FCRL3: variants seen among roughly 807,000 people sequenced by gnomAD.
FCRL3 encodes Fc receptor-like protein 3.
A neutral mutation model predicts 75.0 loss-of-function variants in FCRL3; 89 were observed. That is an observed-to-expected ratio of 1.19 (90% CI 1.00 to 1.42). The LOEUF is 1.42. FCRL3 is among the 40% of genes most tolerant of loss of function. The probability of loss-of-function intolerance (pLI) is 0.00; values close to 1 mark genes in which losing one functional copy is unlikely to be tolerated. For missense variants in FCRL3, 946 were observed against 880.0 expected (o/e 1.07, Z -0.95); for synonymous variants, 376 against 348.5 (o/e 1.08, Z -0.88).
intron 4 of FCRL3, 164 bp from the exon 5 acceptor site, chr1:157,698,083 G>A: frequency 3.7e-6 from 3 of 807,276 alleles, no homozygotes; most frequent in Non-Finnish European, 5.7e-6. Flanking sequence ...TGCCCTACAA[G>A]GGTGAACCAA....
rs1656263123 is a variant in FCRL3, at chr1:157,700,709, A to G, written c.-144T>C. ...TCAATCCCGGTAGTGATACATTTTT[A>G]GAAGTTGGGGCTCATCTTCCATCAG... On this transcript the variant is annotated 5_prime_UTR_variant, in exon 1 of 15. It removes the in-frame stop codon of an upstream open reading frame in the 5' UTR. Transcript: ENST00000368184. The G allele has an allele frequency of 7.0e-7, 1 of 1,427,458 alleles. No homozygotes were observed. Among genetic ancestry groups the G allele is most frequent in the Non-Finnish European group, 9.2e-7 (1 of 1,088,664 alleles). The allele number at this position is 1,427,458 out of a possible 1,614,324, so 88.4% of individuals were successfully genotyped here.
intron 8 of FCRL3, among the ~76,000 whole-genome samples, chr1:157,694,517 A>G (rs1655764996): frequency 6.6e-6 from 1 of 152,184 alleles, no homozygotes; most frequent in African/African-American, 2.4e-5. Flanking sequence ...GTGACTGGGA[A>G]TTATTACCAT....
Position 157,678,749 on chromosome 1 carries a change from A to G in FCRL3, c.2166T>C (p.Tyr722=). The part of the protein sequence containing the change: ...RAHEEDDEEN[Y]ENVPRVLLAS... ...CCAGTAATACACGTGGTACATTCTC[A>G]TAGTTTTCTTCATCATCTTCTTCAT... is the stretch of plus-strand genomic sequence containing the variant. The change falls in exon 15 of 15, where the codon TAT becomes TAC. Residue 722 remains tyrosine (Y), a synonymous_variant. Transcript: ENST00000368184. 2 of 1,613,854 alleles carry G rather than the reference A, an allele frequency of 1.2e-6. No homozygotes were observed. Among genetic ancestry groups the G allele is most frequent in the Non-Finnish European group, 1.7e-6 (2 of 1,179,834 alleles).
intron 10 of FCRL3, among the ~76,000 whole-genome samples, chr1:157,688,114 A>T (rs1211730218): frequency 6.6e-6 from 1 of 152,118 alleles, no homozygotes; most frequent in East Asian, 1.9e-4. Flanking sequence ...CACTAGTGCA[A>T]ATGGTCTAAA....
At position 157,696,125 on chromosome 1, in the gene FCRL3, C is replaced by T. The variant is rs1181993945; in HGVS notation, c.1047G>A (p.Lys349=). 6.2e-7 allele frequency: 1 copy of T among 1,613,978 alleles called. No homozygotes were observed. The highest frequency in any genetic ancestry group is 2.2e-5 in the East Asian group (1 of 44,870). ...AGTAGTATCTCCCTGCATCACTCTCCTTCACGGTGAGAACATGCAGCTCTG... is the reference window on the plus strand; with the variant it reads ...AGTAGTATCTCCCTGCATCACTCTCTTTCACGGTGAGAACATGCAGCTCTG... ...LLAELHVLTV[K]ESDAGRYYCA... The change falls in exon 7 of 15, where the codon AAG becomes AAA. Residue 349 remains lysine (K), a synonymous_variant. Coordinates refer to ENST00000368184, the MANE Select transcript of FCRL3 (RefSeq NM_052939.4).
In FCRL3 at chr1:157,690,474, C is replaced by T. The variant is rs765815493; in HGVS notation, c.1471G>A (p.Asp491Asn). 4 of 1,614,118 alleles carry T rather than the reference C, an allele frequency of 2.5e-6. No homozygotes were observed. The East Asian group carries it at 6.7e-5, about 27-fold the overall frequency. The part of the protein sequence containing the change: ...RAPGAQAVVG[D>N]LLELHCESLR... ...GACTCACAGTGAAGCTCCAGCAGGTCCCCCACCACAGCCTGGGCCCCGGGA... is the reference window on the plus strand; with the variant it reads ...GACTCACAGTGAAGCTCCAGCAGGTTCCCCACCACAGCCTGGGCCCCGGGA... The change falls in exon 9 of 15, where the codon GAC becomes AAC. Residue 491 changes from aspartate to asparagine, a missense_variant. Physicochemically the swap from Asp to Asn is conservative, Grantham distance 23. Transcript: ENST00000368184.
rs1654473350 is a variant in FCRL3 at position 157,676,661 on chromosome 1, A to G, written c.*2049T>C. On this transcript the variant is annotated 3_prime_UTR_variant, in exon 15 of 15. Transcript: ENST00000368184. ...TGCACATTTGTTATATCCGAGATGTACAGTTAGGACTCACCCCTTCTTCCA... is the reference window on the plus strand; with the variant it reads ...TGCACATTTGTTATATCCGAGATGTGCAGTTAGGACTCACCCCTTCTTCCA... 1.4e-6 allele frequency: 2 copies of G among 1,479,506 alleles called. No individual in the cohort carries two copies. The highest frequency in any genetic ancestry group is 2.5e-5 in the East Asian group (1 of 40,530). The allele number at this position is 1,479,506 out of a possible 1,614,324, so 91.6% of individuals were successfully genotyped here. A position where few individuals can be genotyped will look rare whatever the true frequency, so the allele number is the denominator to read the frequency against.
At position 157,696,105 on chromosome 1, in the gene FCRL3, T is replaced by C. The variant is rs1655883941; in HGVS notation, c.1067A>G (p.Tyr356Cys). The part of the protein sequence containing the change: ...LTVKESDAGR[Y>C]YCAADNVHSP... ...GTGAACGTTATCAGCTGCACAGTAG[T>C]ATCTCCCTGCATCACTCTCCTTCAC... is the stretch of plus-strand genomic sequence containing the variant. Residue 356 changes from tyrosine (Y) to cysteine (C), a missense_variant, in exon 7 of 15, where the codon TAC becomes TGC. By Grantham distance (194) the Tyr-to-Cys change is radical. Transcript: ENST00000368184. The C allele has an allele frequency of 1.2e-6, 2 of 1,613,684 alleles. No individual in the cohort carries two copies. The highest frequency in any genetic ancestry group is 2.7e-5 in the African/African-American group (2 of 74,868).
In FCRL3 at chr1:157,677,223, A is replaced by C. The variant is rs1654516655; in HGVS notation, c.*1487T>G. 1 of 1,005,790 alleles carries C rather than the reference A, an allele frequency of 9.9e-7. No homozygotes were observed. 62.3% of individuals were successfully genotyped at this position (1,005,790 alleles called of 1,614,324 possible). On this transcript the variant is annotated 3_prime_UTR_variant, in exon 15 of 15. Transcript: ENST00000368184. The stretch of plus-strand genomic sequence containing the variant: ...TGGAGGACAAAAGTGCCTTCTGGTG[A>C]AACTCAGCTTCCATAGTGATGGAAC...
chr1:157,690,114 A>C (rs1655421583), intron 9 of FCRL3, 141 bp downstream of exon 9: 1 of 1,314,870 alleles, frequency 7.6e-7, no homozygotes, highest in Admixed American at 2.5e-5. Context: ...CCCATATAAA[A>C]TCAGTACCAA....
chr1:157,696,204 TGC>T lies in FCRL3; in HGVS notation c.966_967del (p.Trp322Ter). 3.7e-6 allele frequency: 6 copies of T among 1,613,988 alleles called. No individual in the cohort carries two copies. The highest frequency in any genetic ancestry group is 5.1e-6 in the Non-Finnish European group (6 of 1,179,988). ...CAGGCTTCTTACTCTTCCTTCTTTG[TGC>T]CAGGAGAATGTGACAGTCCCTGAAC... is the stretch of plus-strand genomic sequence containing the variant. On this transcript the variant is annotated stop_gained and frameshift_variant, in exon 7 of 15. Coordinates refer to ENST00000368184, the MANE Select transcript of FCRL3 (RefSeq NM_052939.4). LOFTEE classifies it high-confidence loss of function.
chr1:157,679,828 CACAAAAAAAAA>C (rs1262328284), intron 13 of FCRL3, among the ~76,000 whole-genome samples: 8 of 27,904 alleles, frequency 2.9e-4, no homozygotes, highest in Non-Finnish European at 3.6e-4. Flanking sequence ...GACCCCATCT[CACAAAAAAAAA>C]AAAAAAAAAA....
At position 157,695,551 on chromosome 1, in the gene FCRL3, C is replaced by T; in HGVS notation, c.1189G>A (p.Gly397Arg). 5.0e-6 allele frequency: 8 copies of T among 1,614,054 alleles called. No homozygotes were observed. The highest frequency in any genetic ancestry group is 1.3e-5 in the African/African-American group (1 of 75,026). Residue 397 changes from glycine (G) to arginine (R), a missense_variant, in exon 8 of 15, where the codon GGG becomes AGG. Coordinates refer to ENST00000368184, the MANE Select transcript of FCRL3 (RefSeq NM_052939.4). ...TCACAGTGAAGCTCCAGCAGGTCCCCCACCACAGTGTGGGCCCTGGGAGCC... is the reference window on the plus strand; with the variant it reads ...TCACAGTGAAGCTCCAGCAGGTCCCTCACCACAGTGTGGGCCCTGGGAGCC... ...FRAPRAHTVV[G>R]DLLELHCESL... is the part of the protein sequence containing the mutation.
intron 3 of FCRL3, 70 bp from the exon 4 acceptor site, chr1:157,698,699 C>A (rs1233071741): frequency 3.9e-6 from 6 of 1,525,492 alleles, no homozygotes. Context: ...ATGGGGAGCC[C>A]AACCTACAGT....
chr1:157,698,269 CA>C (rs1416668506), intron 4 of FCRL3, 114 bp downstream of exon 4: 3 of 1,228,126 alleles, frequency 2.4e-6, no homozygotes, highest in Non-Finnish European at 3.5e-6. Context: ...CCACTGGGGT[CA>C]GTGCATCAAT....
Position 157,678,742 on chromosome 1 carries a change from C to A in FCRL3, c.2173G>T (p.Val725Leu), listed in dbSNP as rs770073536. 1.1e-5 allele frequency: 18 copies of A among 1,614,034 alleles called. No homozygotes were observed. Among genetic ancestry groups the A allele is most frequent in the Non-Finnish European group, 1.5e-5 (18 of 1,180,004 alleles). ...EEDDEENYENVPRVLLASDH is the reference protein window; with the variant it reads ...EEDDEENYENLPRVLLASDH ...TCTGAGGCCAGTAATACACGTGGTACATTCTCATAGTTTTCTTCATCATCT... is the reference window on the plus strand; with the variant it reads ...TCTGAGGCCAGTAATACACGTGGTAAATTCTCATAGTTTTCTTCATCATCT... The change falls in exon 15 of 15, where the codon GTA becomes TTA. Residue 725 changes from valine to leucine, a missense_variant. Physicochemically the swap from Val to Leu is conservative, Grantham distance 32. Coordinates refer to ENST00000368184, the MANE Select transcript of FCRL3 (RefSeq NM_052939.4).
intron 7 of FCRL3, 154 bp from the exon 8 acceptor site, chr1:157,695,761 TC>T: frequency 1.0e-6 from 1 of 995,760 alleles, no homozygotes; most frequent in Non-Finnish European, 1.4e-6. Flanking sequence ...CAGAAGCATT[TC>T]CCCAAAACAG....
intron 10 of FCRL3, among the ~76,000 whole-genome samples, chr1:157,685,422 A>T (rs921552966): frequency 6.6e-6 from 1 of 152,148 alleles, no homozygotes; most frequent in African/African-American, 2.4e-5. Flanking sequence ...TGCAGCACCC[A>T]GAATCATAAA....
At position 157,697,655 on chromosome 1, in the gene FCRL3, T is replaced by C. The variant is rs1656028270; in HGVS notation, c.559+4A>G. The C allele has an allele frequency of 1.2e-6, 2 of 1,611,594 alleles. No individual in the cohort carries two copies. Among genetic ancestry groups the C allele is most frequent in the African/African-American group, 2.7e-5 (2 of 74,894 alleles). On this transcript the variant is annotated splice_donor_region_variant and intron_variant, in intron 5 of 14. Transcript: ENST00000368184. The stretch of plus-strand genomic sequence containing the variant: ...CCAGTAATCCACAGGAATCTAGCCA[T>C]TACCTTGAACTTGGATATTTAGGGG...
Sources: allele counts gnomAD v4.1 joint callset (sites outside exome capture counted in the v4.1 genomes callset), GRCh38; gene constraint gnomAD v4.1.1; transcripts MANE v1.5; gene names NCBI Gene and HGNC (gene_info 2026-07-23, HGNC 2026-07-21).